Variants in SGCZ observed in about 807,000 individuals in gnomAD.
SGCZ encodes the protein sarcoglycan zeta, also known as zeta-sarcoglycan.
A neutral mutation model predicts 41.3 loss-of-function variants in SGCZ; 40 were observed. That is an observed-to-expected ratio of 0.97 (90% CI 0.75 to 1.26). SGCZ has a LOEUF of 1.26. SGCZ is among the 50% of genes most tolerant of loss of function. SGCZ has a pLI of 0.00. For synonymous variants in SGCZ, 206 were observed against 137.5 expected, an observed-to-expected ratio of 1.50 and a Z score of -3.49; for missense variants, 552 against 369.8, an observed-to-expected ratio of 1.49 and a Z score of -4.04.
At chr8:14,596,597 A>T (rs1057283528) in intron 1 of SGCZ, among the ~76,000 whole-genome samples, 3 of 152,082 alleles carry the variant, frequency 2.0e-5, no homozygotes, top group African/African-American at 7.2e-5. Context: ...GACTACAGTA[A>T]TTGCAGCAAT....
At chr8:14,314,423 A>C (rs1014181151) in intron 3 of SGCZ, among the ~76,000 whole-genome samples, 9 of 152,174 alleles carry the variant, frequency 5.9e-5, no homozygotes, top group Non-Finnish European at 1.2e-4. Flanking sequence ...AGATATTTGT[A>C]GAGTGTGAAT....
At chr8:14,210,329 G>A (rs1585234938) in intron 4 of SGCZ, among the ~76,000 whole-genome samples, 1 of 152,090 alleles carries the variant, frequency 6.6e-6, no homozygotes, top group Non-Finnish European at 1.5e-5. Flanking sequence ...AAAGTGCTGG[G>A]ATTACAAGGG....
intron 4 of SGCZ, among the ~76,000 whole-genome samples, chr8:14,204,199 G>C (rs1316067658): frequency 6.6e-6 from 1 of 152,016 alleles, no homozygotes; most frequent in African/African-American, 2.4e-5. Flanking sequence ...GAAAGAAATA[G>C]ATGGGGGTAA....
chr8:15,204,893 A>C (rs193210517), intron 1 of SGCZ, among the ~76,000 whole-genome samples: 1 of 152,292 alleles, frequency 6.6e-6, no homozygotes, highest in East Asian at 1.9e-4. Flanking sequence ...AATCCCTAAA[A>C]ATTTCACAGA....
chr8:15,234,337 AG>A (rs761852332), intron 1 of SGCZ, among the ~76,000 whole-genome samples: 7 of 152,216 alleles, frequency 4.6e-5, no homozygotes, highest in Non-Finnish European at 8.8e-5. Context: ...ACATTTCCAA[AG>A]CAGCAACCCA....
At chr8:14,274,417 T>A (rs1272010107) in intron 3 of SGCZ, among the ~76,000 whole-genome samples, 1 of 152,148 alleles carries the variant, frequency 6.6e-6, no homozygotes, top group Non-Finnish European at 1.5e-5. Context: ...GTCGTTGGTT[T>A]TAAACTCAGA....
chr8:14,397,925 C>G (rs549123189), intron 2 of SGCZ, among the ~76,000 whole-genome samples: 12 of 152,250 alleles, frequency 7.9e-5, no homozygotes, highest in African/African-American at 2.9e-4. Context: ...TCCCCTGAGC[C>G]CTGCTCTCTG....
Position 14,443,730 on chromosome 8 carries a change from C to T in SGCZ, c.234+111002G>A, listed in dbSNP as rs528058914. Among the ~76,000 whole-genome samples, 5 of 152,208 alleles carry T rather than the reference C, an allele frequency of 3.3e-5. No homozygotes were observed. In the East Asian group the frequency reaches 7.7e-4, roughly 23 times the overall value. ...ATCCTAGAAGAAAACCTAGGCATTA[C>T]CATTCAGGACATAGGCATAGGCAAG... is the stretch of plus-strand genomic sequence containing the variant. On this transcript the variant is annotated intron_variant, in intron 2 of 7. Coordinates refer to ENST00000382080, the MANE Select transcript of SGCZ (RefSeq NM_139167.4).
chr8:14,418,540 G>C (rs1799557620), intron 2 of SGCZ, among the ~76,000 whole-genome samples: 1 of 152,032 alleles, frequency 6.6e-6, no homozygotes, highest in South Asian at 2.1e-4. Context: ...TTATAAAATG[G>C]TTTGTCTCAT....
At chr8:14,975,768 T>C (rs1189760722) in intron 1 of SGCZ, among the ~76,000 whole-genome samples, 1 of 143,182 alleles carries the variant, frequency 7.0e-6, no homozygotes, top group Admixed American at 7.3e-5. Context: ...ATAATATCTG[T>C]AACTCCACTT....
chr8:14,366,531 C>G (rs1582812), intron 2 of SGCZ, among the ~76,000 whole-genome samples: 1 of 152,036 alleles, frequency 6.6e-6, no homozygotes, highest in East Asian at 1.9e-4. Flanking sequence ...CCATATCATT[C>G]CACCCCTGGC....
intron 2 of SGCZ, among the ~76,000 whole-genome samples, chr8:14,327,463 G>A (rs7814480): frequency 0.19 from 28,710 of 152,088 alleles, 3,359 homozygotes; most frequent in Non-Finnish European, 0.27. Context: ...TGCGCTCCTT[G>A]GAGTTGTTAC....
intron 2 of SGCZ, among the ~76,000 whole-genome samples, chr8:14,334,941 C>G (rs987271551): frequency 6.6e-6 from 1 of 152,026 alleles, no homozygotes; most frequent in Non-Finnish European, 1.5e-5. Context: ...AGTGGAAGAA[C>G]AGGTGTAGGT....
At chr8:14,635,567 G>A (rs1293553120) in intron 1 of SGCZ, among the ~76,000 whole-genome samples, 1 of 151,878 alleles carries the variant, frequency 6.6e-6, no homozygotes, top group Non-Finnish European at 1.5e-5. Flanking sequence ...TAATTCGTAA[G>A]TTTTAAACTG....
At chr8:14,211,099 C>T (rs1210643175) in intron 4 of SGCZ, among the ~76,000 whole-genome samples, 1 of 152,122 alleles carries the variant, frequency 6.6e-6, no homozygotes, top group Non-Finnish European at 1.5e-5. Flanking sequence ...CATGATTTTG[C>T]CTGCCTCCCT....
chr8:15,041,042 G>C (rs572027006), intron 1 of SGCZ, among the ~76,000 whole-genome samples: 1 of 151,810 alleles, frequency 6.6e-6, no homozygotes, highest in East Asian at 1.9e-4. Flanking sequence ...TAAAATATAA[G>C]TTATTGTTTT....
chr8:14,676,451 C>T (rs112819867), intron 1 of SGCZ, among the ~76,000 whole-genome samples: 2,175 of 151,894 alleles, frequency 0.014, 36 homozygotes, highest in African/African-American at 0.031. Context: ...TCCAGGACTT[C>T]GAGGCTGTGA....
At chr8:14,460,061 C>T (rs1253639853) in intron 2 of SGCZ, among the ~76,000 whole-genome samples, 1 of 152,020 alleles carries the variant, frequency 6.6e-6, no homozygotes, top group East Asian at 1.9e-4. Context: ...GTCACTTGGT[C>T]AACAGCATAG....
chr8:14,340,861 A>G (rs1007831424), intron 2 of SGCZ, among the ~76,000 whole-genome samples: 3 of 152,270 alleles, frequency 2.0e-5, no homozygotes, highest in Admixed American at 6.5e-5. Flanking sequence ...CACAATGCTG[A>G]GTAACCATCA....
Sources: gnomAD v4.1 joint callset for allele counts (sites outside exome capture counted in the v4.1 genomes callset) on GRCh38, gnomAD v4.1.1 for gene constraint, MANE v1.5 for transcripts, NCBI Gene and HGNC (gene_info 2026-07-23, HGNC 2026-07-21) for gene names.